Variants in CASP14 observed in about 807,000 individuals in gnomAD.
CASP14 encodes caspase 14, also known as caspase-14.
In CASP14, 27 loss-of-function variants were observed where a neutral mutation model predicts 28.4. The ratio of observed to expected loss-of-function variants is 0.95; its 90% CI spans 0.70 to 1.31. The LOEUF is 1.31. Among genes scored for constraint, CASP14 ranks in the 50% most tolerant of loss-of-function variants. The probability of loss-of-function intolerance (pLI) is 0.00; values close to 1 mark genes in which losing one functional copy is unlikely to be tolerated. For missense variants in CASP14, 323 were observed against 312.8 expected (o/e 1.03, Z -0.25); for synonymous variants, 115 against 118.6 (o/e 0.97, Z 0.20).
Position 15,053,557 on chromosome 19 carries a change from G to A in CASP14, c.103G>A (p.Asp35Asn), listed in dbSNP as rs762965065. ...VTKAREGSEE[D>N]LDALEHMFRQ... ...CAAAGCCCGGGAAGGTTCCGAAGAA[G>A]ACCTGGATGCTCTGGAACACATGTT... Residue 35 changes from aspartate to asparagine, a missense_variant, in exon 3 of 7, where the codon GAC (aspartate) becomes AAC (asparagine). Transcript: ENST00000427043. 13 of 1,614,152 alleles carry A rather than the reference G, an allele frequency of 8.1e-6. No individual in the cohort carries two copies. Among genetic ancestry groups the A allele is most frequent in the Non-Finnish European group, 1.1e-5 (13 of 1,180,036 alleles).
In CASP14 at chr19:15,050,181, G is replaced by A. The variant is rs146772273; in HGVS notation, c.-47+536G>A. ...GTCTCAGAGAGGAGAGTGAGATGCC[G>A]AAGGTCACACAGCTGGGAAGGGACT... On this transcript the variant is annotated intron_variant, in intron 1 of 6. Coordinates refer to ENST00000427043, the MANE Select transcript of CASP14 (RefSeq NM_012114.3). 2.8e-4 allele frequency among the ~76,000 whole-genome samples: 42 copies of A among 152,208 alleles called. 1 individual carries two copies. Among genetic ancestry groups the A allele is most frequent in the African/African-American group, 9.6e-4 (40 of 41,544 alleles).
intron 1 of CASP14, among the ~76,000 whole-genome samples, 152 bp downstream of exon 1, chr19:15,049,797 G>T (rs547038235): frequency 2.1e-4 from 32 of 151,490 alleles, no homozygotes; most frequent in Non-Finnish European, 3.7e-4. Context: ...TTGGCAGAAT[G>T]GAAGAAATTT....
chr19:15,052,201 C>T lies in CASP14; in HGVS notation c.-46-5C>T, dbSNP rs755115017. ...AACTTTAACCTATCTTCTCTTGACT[C>T]CAAGGATCAGACAAGGGTGCTGAGA... On this transcript the variant is annotated splice_region_variant and splice_polypyrimidine_tract_variant and intron_variant, in intron 1 of 6. Transcript: ENST00000427043. The T allele has an allele frequency of 6.4e-7, 1 of 1,568,812 alleles. No homozygotes were observed.
In CASP14 at chr19:15,050,669, AATGG is replaced by A. The variant is rs557152872; in HGVS notation, c.-47+1040_-47+1043del. ...GGAAGACAGAGAGAGATAATGGATG[AATGG>A]ATGGATGGATGGATGAATGAATGAG... is the stretch of plus-strand genomic sequence containing the variant. On this transcript the variant is annotated intron_variant, in intron 1 of 6. Transcript: ENST00000427043. 2.3e-4 allele frequency among the ~76,000 whole-genome samples: 35 copies of A among 151,448 alleles called. No individual in the cohort carries two copies. The East Asian group carries it at 5.1e-3, about 22-fold the overall frequency.
chr19:15,056,039 A>G lies in CASP14; in HGVS notation c.679A>G (p.Thr227Ala), dbSNP rs760972661. 6.2e-7 allele frequency: 1 copy of G among 1,609,104 alleles called. No individual in the cohort carries two copies. The highest frequency in any genetic ancestry group is 8.5e-7 in the Non-Finnish European group (1 of 1,177,628). The change falls in exon 7 of 7, where the codon ACG becomes GCG. Residue 227 changes from threonine to alanine, a missense_variant. Coordinates refer to ENST00000427043, the MANE Select transcript of CASP14 (RefSeq NM_012114.3). ...ELVQEGKARK[T>A]NPEIQSTLRK... ...GGTTCAAGAAGGAAAAGCAAGGAAA[A>G]CGAACCCTGAAATCCAAAGCACCCT...
Position 15,053,539 on chromosome 19 carries a change from C to A in CASP14, c.85C>A (p.Arg29=). The change falls in exon 3 of 7, where the codon CGG becomes AGG. Residue 29 remains arginine (R), a synonymous_variant. Transcript: ENST00000427043. ...CCTAATACTGTGTGTCACCAAAGCC[C>A]GGGAAGGTTCCGAAGAAGACCTGGA... ...LALILCVTKA[R]EGSEEDLDAL... is the part of the protein sequence containing the mutation. 1 of 1,614,076 alleles carries A rather than the reference C, an allele frequency of 6.2e-7. No homozygotes were observed. The highest frequency in any genetic ancestry group is 1.3e-5 in the African/African-American group (1 of 75,012).
At chr19:15,055,563 C>G (rs754476141) in intron 6 of CASP14, 30 bp downstream of exon 6, 5 of 1,540,014 alleles carry the variant, frequency 3.2e-6, no homozygotes, top group Non-Finnish European at 4.5e-6. Flanking sequence ...CTGGGACCAC[C>G]GCCCAGGCCA....
At chr19:15,051,731 C>T (rs1193326334) in intron 1 of CASP14, among the ~76,000 whole-genome samples, 1 of 152,050 alleles carries the variant, frequency 6.6e-6, no homozygotes, top group East Asian at 1.9e-4. Context: ...GAGATAATAT[C>T]AAAGTTGCAT....
intron 1 of CASP14, among the ~76,000 whole-genome samples, chr19:15,051,945 G>A (rs535343147): frequency 6.6e-5 from 10 of 152,238 alleles, no homozygotes; most frequent in Admixed American, 1.3e-4. Flanking sequence ...TTTTGGGGGC[G>A]GAGTGGGGGA....
rs1446916517 is a variant in CASP14, at chr19:15,053,945, G to A, written c.390G>A (p.Gln130=). ...LRAKPKVYII[Q]ACRGEQRDPG... is the part of the protein sequence containing the mutation. ...CTAAGCCCAAGGTGTACATCATACA[G>A]GCCTGTCGAGGAGGTGGGGACAGAT... is the stretch of plus-strand genomic sequence containing the variant. Residue 130 remains glutamine, a synonymous_variant, in exon 4 of 7, where the codon CAG becomes CAA. Transcript: ENST00000427043. 1 of 1,613,518 alleles carries A rather than the reference G, an allele frequency of 6.2e-7. No homozygotes were observed. The highest frequency in any genetic ancestry group is 1.7e-5 in the Admixed American group (1 of 60,008).
intron 6 of CASP14, 64 bp from the exon 7 acceptor site, chr19:15,055,921 C>G: frequency 7.4e-7 from 1 of 1,350,042 alleles, no homozygotes; most frequent in Non-Finnish European, 1.0e-6. Context: ...GCCCCGTTCC[C>G]TAACCCTCCC....
rs1219428734 is a variant in CASP14, at chr19:15,056,818, G to T, written c.*729G>T. 1.3e-5 allele frequency: 2 copies of T among 152,118 alleles called. No homozygotes were observed. Among genetic ancestry groups the T allele is most frequent in the Non-Finnish European group, 2.9e-5 (2 of 68,014 alleles). The allele number at this position is 152,118 out of a possible 1,614,324, so 9.4% of individuals were successfully genotyped here. On this transcript the variant is annotated 3_prime_UTR_variant, in exon 7 of 7. Coordinates refer to ENST00000427043, the MANE Select transcript of CASP14 (RefSeq NM_012114.3). ...TTACTCTAAATGAGAGCGTGTTGGAGCTATGGCAAATTCCCTGTTGTCACC... is the reference window on the plus strand; with the variant it reads ...TTACTCTAAATGAGAGCGTGTTGGATCTATGGCAAATTCCCTGTTGTCACC...
At chr19:15,051,889 C>A (rs538343652) in intron 1 of CASP14, among the ~76,000 whole-genome samples, 15 of 151,938 alleles carry the variant, frequency 9.9e-5, no homozygotes, top group Non-Finnish European at 1.8e-4. Context: ...AGGGGAAGTT[C>A]AGTCCACCAG....
intron 4 of CASP14, 91 bp downstream of exon 4, chr19:15,054,049 A>G (rs1167880187): frequency 3.8e-6 from 4 of 1,043,510 alleles, no homozygotes; most frequent in Non-Finnish European, 4.2e-6. Context: ...CAGTGGCGGA[A>G]TCTCAACTCA....
Position 15,055,433 on chromosome 19 carries a change from A to G in CASP14, c.524A>G (p.Tyr175Cys). The change falls in exon 6 of 7, where the codon TAC (tyrosine) becomes TGC (cysteine). Residue 175 changes from tyrosine to cysteine, a missense_variant. Physicochemically the swap from Tyr to Cys is radical, Grantham distance 194. Coordinates refer to ENST00000427043, the MANE Select transcript of CASP14 (RefSeq NM_012114.3). ...CCCACCTCTCTGGAATTCCCAGGATACATCGCCTACCGACATGATCAGAAA... is the reference window on the plus strand; with the variant it reads ...CCCACCTCTCTGGAATTCCCAGGATGCATCGCCTACCGACATGATCAGAAA... ...ALHVYSTVEG[Y>C]IAYRHDQKGS... The G allele has an allele frequency of 1.2e-6, 2 of 1,613,926 alleles. No homozygotes were observed. Among genetic ancestry groups the G allele is most frequent in the South Asian group, 1.1e-5 (1 of 91,068 alleles).
At chr19:15,053,308 A>G (rs375138372) in intron 2 of CASP14, among the ~76,000 whole-genome samples, 174 bp from the exon 3 acceptor site, 1 of 151,926 alleles carries the variant, frequency 6.6e-6, no homozygotes, top group Non-Finnish European at 1.5e-5. Flanking sequence ...GAGTCTCACT[A>G]TGTTGCCCAG....
intron 4 of CASP14, 36 bp from the exon 5 acceptor site, chr19:15,055,122 C>T: frequency 6.4e-7 from 1 of 1,555,572 alleles, no homozygotes; most frequent in Non-Finnish European, 8.9e-7. Context: ...TTACCTTTCT[C>T]TCTGACTTTG....
chr19:15,051,951 G>C (rs967192420), intron 1 of CASP14, among the ~76,000 whole-genome samples: 4 of 152,068 alleles, frequency 2.6e-5, no homozygotes, highest in African/African-American at 9.7e-5. Context: ...GGGCGGAGTG[G>C]GGGACATTGT....
At chr19:15,051,571 T>C (rs1004083381) in intron 1 of CASP14, among the ~76,000 whole-genome samples, 6 of 143,780 alleles carry the variant, frequency 4.2e-5, no homozygotes, top group Non-Finnish European at 6.1e-5. Context: ...GGCAAAGAGA[T>C]GGGGAAATGC....
Sources: gnomAD v4.1 joint callset for allele counts (sites outside exome capture counted in the v4.1 genomes callset) on GRCh38, gnomAD v4.1.1 for gene constraint, MANE v1.5 for transcripts, NCBI Gene and HGNC (gene_info 2026-07-23, HGNC 2026-07-21) for gene names.